The following RAPGEF6 variants were observed in gnomAD, a reference collection of about 807,000 sequenced individuals.
RAPGEF6 encodes PDZ domain containing guanine nucleotide exchange factor (GEF) 2.
RAPGEF6 carries 56 observed loss-of-function variants against 171.4 expected under a neutral mutation model. That is an observed-to-expected ratio of 0.33 (90% CI 0.26 to 0.41). RAPGEF6 has a LOEUF of 0.41. RAPGEF6 is among the 10% of genes least tolerant of loss of function. The probability of loss-of-function intolerance (pLI) is 1.00; values close to 1 mark genes in which losing one functional copy is unlikely to be tolerated. For missense variants in RAPGEF6, 1,674 were observed against 1,921.4 expected, an observed-to-expected ratio of 0.87 and a Z score of 2.41; for synonymous variants, 692 against 650.1, an observed-to-expected ratio of 1.06 and a Z score of -0.98.
chr5:131,510,528 T>C (rs1454782413), intron 7 of RAPGEF6, 37 bp from the exon 8 acceptor site: 3 of 1,575,946 alleles, frequency 1.9e-6, no homozygotes, highest in Admixed American at 3.6e-5. Context: ...CCATTTCATG[T>C]AAAAAATATT....
In RAPGEF6 at chr5:131,425,184, CTG is replaced by C. The variant is rs751779878; in HGVS notation, c.*2080_*2081del. Reference sequence around the variant, plus strand: ...GTCCAAAACCATAGGCCTCAACACTCTGTGCAAGATATTTACACTATTAAGGA... The same window carrying C: ...GTCCAAAACCATAGGCCTCAACACTCTGCAAGATATTTACACTATTAAGGA... On this transcript the variant is annotated 3_prime_UTR_variant, in exon 28 of 28. Coordinates refer to ENST00000509018, the MANE Select transcript of RAPGEF6 (RefSeq NM_016340.6). The C allele has an allele frequency of 4.6e-5, 7 of 152,344 alleles. No individual in the cohort carries two copies. Among genetic ancestry groups the C allele is most frequent in the African/African-American group, 7.2e-5 (3 of 41,436 alleles). The allele number at this position is 152,344 out of a possible 1,614,324, so 9.4% of individuals were successfully genotyped here. A position where few individuals can be genotyped will look rare whatever the true frequency, so the allele number is the denominator to read the frequency against.
chr5:131,490,998 G>C (rs1465257133), intron 14 of RAPGEF6, among the ~76,000 whole-genome samples: 1 of 152,122 alleles, frequency 6.6e-6, no homozygotes, highest in African/African-American at 2.4e-5. Flanking sequence ...ACAGTAGTTG[G>C]GAAGATTGAA....
chr5:131,614,864 T>C (rs940947854), intron 1 of RAPGEF6, among the ~76,000 whole-genome samples: 5 of 152,226 alleles, frequency 3.3e-5, no homozygotes, highest in Non-Finnish European at 7.3e-5. Context: ...AGTAATTCTG[T>C]AGCTACCCAG....
chr5:131,472,591 A>T lies in RAPGEF6; in HGVS notation c.2235T>A (p.Pro745=), dbSNP rs1345454082. 1 of 1,613,610 alleles carries T rather than the reference A, an allele frequency of 6.2e-7. No homozygotes were observed. The highest frequency in any genetic ancestry group is 1.7e-5 in the Admixed American group (1 of 60,020). ...AAAATCACATATGAAAATTACCTGA[A>T]GGATTGGAAAAATCCAACATACTGG... ...PTTSMLDFSN[P]SDIPDQVIRV... The change falls in exon 17 of 28, where the codon CCT becomes CCA. Residue 745 remains proline, a synonymous_variant. Coordinates refer to ENST00000509018, the MANE Select transcript of RAPGEF6 (RefSeq NM_016340.6).
intron 15 of RAPGEF6, among the ~76,000 whole-genome samples, chr5:131,487,534 G>A (rs1402145654): frequency 2.0e-5 from 3 of 152,128 alleles, no homozygotes; most frequent in African/African-American, 7.2e-5. Flanking sequence ...CGTTTTTACA[G>A]AGTGCTGATT....
intron 1 of RAPGEF6, among the ~76,000 whole-genome samples, chr5:131,624,202 A>C (rs1334735811): frequency 6.6e-6 from 1 of 152,244 alleles, no homozygotes; most frequent in Non-Finnish European, 1.5e-5. Context: ...AATCCCAAAA[A>C]GATATTCAAT....
At position 131,442,408 on chromosome 5, in the gene RAPGEF6, A is replaced by AC. The variant is rs761486885; in HGVS notation, c.3550dup (p.Val1184GlyfsTer5). 6.2e-7 allele frequency: 1 copy of AC among 1,614,112 alleles called. No individual in the cohort carries two copies. The highest frequency in any genetic ancestry group is 2.2e-5 in the East Asian group (1 of 44,870). On this transcript the variant is annotated frameshift_variant, in exon 23 of 28. Coordinates refer to ENST00000509018, the MANE Select transcript of RAPGEF6 (RefSeq NM_016340.6). LOFTEE classifies it high-confidence loss of function. ...GATGGGGTGCAAATTAACAGCTGGC[A>AC]CCTGAAGCACCTGGCTTACTCTGTG...
chr5:131,622,651 G>A (rs1348195021), intron 1 of RAPGEF6, among the ~76,000 whole-genome samples: 2 of 152,172 alleles, frequency 1.3e-5, no homozygotes, highest in African/African-American at 2.4e-5. Context: ...TCCAACACAC[G>A]TAAAATGATG....
At chr5:131,492,817 A>C in intron 13 of RAPGEF6, 32 bp from the exon 14 acceptor site, 1 of 1,561,418 alleles carries the variant, frequency 6.4e-7, no homozygotes, top group Non-Finnish European at 8.8e-7. Context: ...ATGTATATAA[A>C]TGTATCTATT....
intron 17 of RAPGEF6, among the ~76,000 whole-genome samples, chr5:131,470,988 T>C (rs1478276367): frequency 6.6e-6 from 1 of 152,218 alleles, no homozygotes; most frequent in Non-Finnish European, 1.5e-5. Flanking sequence ...GGTAGTGACA[T>C]TTCTTTTACG....
At chr5:131,431,475 C>A in intron 25 of RAPGEF6, 126 bp from the exon 26 acceptor site, 1 of 1,005,412 alleles carries the variant, frequency 9.9e-7, no homozygotes, top group South Asian at 1.8e-5. Context: ...CAAATAACAT[C>A]GTGAGGAAAA....
chr5:131,547,508 C>CT (rs537121153), intron 6 of RAPGEF6, among the ~76,000 whole-genome samples: 13,055 of 132,346 alleles, frequency 0.099, 846 homozygotes, highest in East Asian at 0.2. Context: ...ACACAGCTTA[C>CT]TTTTTTTTTT....
At chr5:131,573,817 T>C (rs559013456) in intron 4 of RAPGEF6, among the ~76,000 whole-genome samples, 2 of 152,188 alleles carry the variant, frequency 1.3e-5, no homozygotes, top group African/African-American at 2.4e-5. Context: ...TTAGACACTT[T>C]ACAGCCCTAG....
chr5:131,441,478 C>T (rs985472829), intron 23 of RAPGEF6, among the ~76,000 whole-genome samples: 3 of 152,218 alleles, frequency 2.0e-5, no homozygotes, highest in Non-Finnish European at 4.4e-5. Flanking sequence ...TAATTATCTT[C>T]TTCGTCACCA....
intron 19 of RAPGEF6, 142 bp downstream of exon 19, chr5:131,461,563 A>C: frequency 1.2e-6 from 1 of 810,770 alleles, no homozygotes; most frequent in Non-Finnish European, 1.7e-6. Flanking sequence ...CAAAATGGAA[A>C]ATACATTAAA....
chr5:131,435,707 A>G lies in RAPGEF6; in HGVS notation c.3746-2049T>C, dbSNP rs370130749. ...TAGAAGATAAAAAAGCCTCCTCTAC[A>G]TATTTCACTCACAGATCCAGCTAAC... On this transcript the variant is annotated intron_variant, in intron 24 of 27. Coordinates refer to ENST00000509018, the MANE Select transcript of RAPGEF6 (RefSeq NM_016340.6). 87 of 641,526 alleles carry G rather than the reference A, an allele frequency of 1.4e-4. No individual in the cohort carries two copies. In the African/African-American group the frequency reaches 1.4e-3, roughly 11 times the overall value. The allele number at this position is 641,526 out of a possible 1,614,324, so 39.7% of individuals were successfully genotyped here.
intron 5 of RAPGEF6, among the ~76,000 whole-genome samples, chr5:131,560,522 A>G (rs1761531147): frequency 6.6e-6 from 1 of 152,242 alleles, no homozygotes; most frequent in African/African-American, 2.4e-5. Flanking sequence ...ATACAACTAA[A>G]AAGTCAGAAA....
In RAPGEF6 at chr5:131,505,462, C is replaced by T; in HGVS notation, c.1003G>A (p.Val335Ile). Reference sequence around the variant, plus strand: ...CTATTTCCCATAAACAAATTTTCAACTTTTCCATCTGGATGACTGATTTCC... The same window carrying T: ...CTATTTCCCATAAACAAATTTTCAATTTTTCCATCTGGATGACTGATTTCC... ...TVEISHPDGK[V>I]ENLFMGNSFG... The change falls in exon 10 of 28, where the codon GTT (valine) becomes ATT (isoleucine). Residue 335 changes from valine to isoleucine, a missense_variant. Physicochemically the swap from Val to Ile is conservative, Grantham distance 29 (BLOSUM62 3). Coordinates refer to ENST00000509018, the MANE Select transcript of RAPGEF6 (RefSeq NM_016340.6). The T allele has an allele frequency of 1.9e-6, 3 of 1,613,678 alleles. No individual in the cohort carries two copies. Among genetic ancestry groups the T allele is most frequent in the Non-Finnish European group, 2.5e-6 (3 of 1,179,776 alleles).
At chr5:131,527,980 A>G (rs1759009143) in intron 6 of RAPGEF6, among the ~76,000 whole-genome samples, 1 of 148,216 alleles carries the variant, frequency 6.7e-6, no homozygotes, top group African/African-American at 2.5e-5. Flanking sequence ...GCGCCACTGC[A>G]CTCCAGCCTG....
Sources: gnomAD v4.1 joint callset for allele counts (sites outside exome capture counted in the v4.1 genomes callset) on GRCh38, gnomAD v4.1.1 for gene constraint, MANE v1.5 for transcripts, NCBI Gene and HGNC (gene_info 2026-07-23, HGNC 2026-07-21) for gene names.